The following INSL6 variants were observed in gnomAD, a reference collection of about 807,000 sequenced individuals.
The protein encoded by INSL6 is insulin-like peptide INSL6.
Under a neutral mutation model 9.4 loss-of-function variants are expected in INSL6, and 16 were observed. That is an observed-to-expected ratio of 1.70 (90% CI 1.15 to 2.59). The LOEUF is 2.59. INSL6 is among the 30% of genes most tolerant of loss of function. The pLI is 0.00. For missense variants in INSL6, 391 were observed against 257.3 expected, an observed-to-expected ratio of 1.52 and a Z score of -3.56; for synonymous variants, 154 against 96.9, an observed-to-expected ratio of 1.59 and a Z score of -3.46.
chr9:5,005,083 A>AT, the INSL6 span, among the ~76,000 whole-genome samples: 2 of 40,034 alleles, frequency 5.0e-5, no homozygotes, highest in African/African-American at 1.0e-4. Context: ...TGCCTGGCTA[A>AT]TTTTTTTTTT....
At chr9:5,064,132 G>T in the INSL6 span, among the ~76,000 whole-genome samples, 1 of 152,080 alleles carries the variant, frequency 6.6e-6, no homozygotes, top group Non-Finnish European at 1.5e-5. Flanking sequence ...CTCCAGCCTG[G>T]GCGACAGAGC....
At chr9:5,038,427 C>T in the INSL6 span, among the ~76,000 whole-genome samples, 1 of 152,052 alleles carries the variant, frequency 6.6e-6, no homozygotes, top group African/African-American at 2.4e-5. Context: ...TCTGTGAGTT[C>T]AGTATTACCC....
rs1382095521 is a variant in INSL6, at chr9:5,163,969, T to C, written c.586A>G (p.Ile196Val). The C allele has an allele frequency of 6.2e-7, 1 of 1,611,470 alleles. No homozygotes were observed. Among genetic ancestry groups the C allele is most frequent in the South Asian group, 1.1e-5 (1 of 90,794 alleles). Residue 196 changes from isoleucine to valine, a missense_variant, in exon 2 of 2, where the codon ATT becomes GTT. Physicochemically the swap from Ile to Val is conservative, Grantham distance 29. Transcript: ENST00000381641. ...EELSIACLPY[I>V]DFKRLKEKRS... Reference sequence around the variant, plus strand: ...TTTTCCTTTAGCCTTTTAAAATCAATATATGGAAGACATGCAATGCTAAGT... The same window carrying C: ...TTTTCCTTTAGCCTTTTAAAATCAACATATGGAAGACATGCAATGCTAAGT...
the INSL6 span, among the ~76,000 whole-genome samples, chr9:5,102,743 A>G: frequency 1.5e-4 from 23 of 152,214 alleles, no homozygotes; most frequent in Admixed American, 6.5e-5. Flanking sequence ...AATATTCAAC[A>G]TTCTTAGAGA....
intron 1 of INSL6, among the ~76,000 whole-genome samples, chr9:5,182,705 C>A (rs1009250707): frequency 6.6e-6 from 1 of 151,940 alleles, no homozygotes; most frequent in Non-Finnish European, 1.5e-5. Flanking sequence ...TATGATTAAT[C>A]TAACTGGAAT....
intron 2 of INSL6, among the ~76,000 whole-genome samples, chr9:5,141,511 T>C (rs1230038143): frequency 6.6e-6 from 1 of 152,226 alleles, no homozygotes; most frequent in East Asian, 1.9e-4. Context: ...CTTTGAAAAG[T>C]GTCTGTTCAT....
chr9:5,114,444 C>T, the INSL6 span: 1 of 481,420 alleles, frequency 2.1e-6, no homozygotes, highest in Non-Finnish European at 4.1e-6. Flanking sequence ...CAGGGTGACC[C>T]ACACCCACCT....
At chr9:5,152,458 G>C (rs1273852136) in intron 2 of INSL6, among the ~76,000 whole-genome samples, 1 of 151,568 alleles carries the variant, frequency 6.6e-6, no homozygotes, top group African/African-American at 2.4e-5. Context: ...ATAACCCATG[G>C]GTCAAGAAAA....
chr9:5,090,545 T>G, the INSL6 span: 1 of 1,593,836 alleles, frequency 6.3e-7, no homozygotes, highest in East Asian at 2.3e-5. Context: ...ATAAAACTTC[T>G]GCAGTACACA....
At chr9:5,080,454 T>C in the INSL6 span, 1 of 1,541,090 alleles carries the variant, frequency 6.5e-7, no homozygotes, top group Non-Finnish European at 8.8e-7. Flanking sequence ...ATTTGTATTT[T>C]TTAGCCCATC....
At chr9:5,015,345 C>G in the INSL6 span, among the ~76,000 whole-genome samples, 1 of 152,148 alleles carries the variant, frequency 6.6e-6, no homozygotes, top group South Asian at 2.1e-4. Context: ...TCCTAAAAAC[C>G]TATTCAAGGG....
the INSL6 span, chr9:5,069,115 C>T: frequency 6.2e-7 from 1 of 1,611,966 alleles, no homozygotes. Context: ...CTTCAGCAGT[C>T]TTAAAGATCT....
chr9:5,004,597 T>G, the INSL6 span, among the ~76,000 whole-genome samples: 112 of 152,340 alleles, frequency 7.4e-4, 1 homozygote, highest in Admixed American at 7.8e-4. Context: ...GCAATGAGCA[T>G]GGGAGTGTAG....
the INSL6 span, chr9:5,021,948 T>A: frequency 6.7e-7 from 1 of 1,482,494 alleles, no homozygotes; most frequent in South Asian, 1.1e-5. Context: ...GTAACTTTAT[T>A]GTTTTCTCTT....
At chr9:5,007,210 C>G in the INSL6 span, among the ~76,000 whole-genome samples, 1 of 151,826 alleles carries the variant, frequency 6.6e-6, no homozygotes, top group Non-Finnish European at 1.5e-5. Flanking sequence ...TAACATTGTT[C>G]AGCCTTTCTT....
the INSL6 span, among the ~76,000 whole-genome samples, chr9:5,042,425 C>T: frequency 6.6e-6 from 1 of 152,190 alleles, no homozygotes; most frequent in African/African-American, 2.4e-5. Flanking sequence ...GCGTGAGCCA[C>T]CGCGCCCGGC....
intron 2 of INSL6, among the ~76,000 whole-genome samples, chr9:5,149,367 T>C (rs547721087): frequency 1.3e-5 from 2 of 152,200 alleles, no homozygotes; most frequent in South Asian, 2.1e-4. Flanking sequence ...TCTGTGTAAA[T>C]GACTTTTCAC....
At position 5,137,944 on chromosome 9, in the gene INSL6, A is replaced by G. The variant is rs186050392; in HGVS notation, c.377-4352T>C. Among the ~76,000 whole-genome samples, 652 of 147,192 alleles carry G rather than the reference A, an allele frequency of 4.4e-3. 7 individuals are homozygous for G. The highest frequency in any genetic ancestry group is 0.016 in the African/African-American group (609 of 39,116). On this transcript the variant is annotated intron_variant, in intron 2 of 3. Coordinates refer to the INSL6 transcript ENST00000649639. The stretch of plus-strand genomic sequence containing the variant: ...AAGGATATGAACAGACATTTCTCAA[A>G]AGAAGACATTTATGTGGCCAAAAAA...
chr9:5,015,356 T>G, the INSL6 span, among the ~76,000 whole-genome samples: 1 of 152,152 alleles, frequency 6.6e-6, no homozygotes. Context: ...TATTCAAGGG[T>G]TTAATGAAAT....
Sources: gnomAD v4.1 joint callset for allele counts (sites outside exome capture counted in the v4.1 genomes callset) on GRCh38, gnomAD v4.1.1 for gene constraint, MANE v1.5 for transcripts, NCBI Gene and HGNC (gene_info 2026-07-23, HGNC 2026-07-21) for gene names.